The following RAI1 variants were observed in gnomAD, a reference collection of about 807,000 sequenced individuals.
RAI1 encodes the protein retinoic acid-induced protein 1.
In RAI1, 9 loss-of-function variants were observed where a neutral mutation model predicts 123.8. The observed-to-expected ratio is 0.07, with a 90% CI of 0.04 to 0.13. The LOEUF is 0.13. Among genes scored for constraint, RAI1 ranks in the 10% least tolerant of loss-of-function variants. RAI1 has a pLI of 1.00. For missense variants in RAI1, 2,256 were observed against 2,545.8 expected, an observed-to-expected ratio of 0.89 and a Z score of 2.45; for synonymous variants, 1,231 against 1,127.3, an observed-to-expected ratio of 1.09 and a Z score of -1.84.
chr17:17,739,503 C>A (rs1402087769), intron 2 of RAI1, among the ~76,000 whole-genome samples: 1 of 152,218 alleles, frequency 6.6e-6, no homozygotes, highest in Non-Finnish European at 1.5e-5. Context: ...ATCTGGCAGC[C>A]AGGGGTCAGG....
intron 2 of RAI1, among the ~76,000 whole-genome samples, chr17:17,775,703 A>G (rs1377286463): frequency 1.3e-5 from 2 of 152,054 alleles, no homozygotes; most frequent in South Asian, 2.1e-4. Context: ...CCGTCTTTGT[A>G]TTGAGTAGAC....
chr17:17,789,967 C>G (rs1286002745), intron 2 of RAI1, among the ~76,000 whole-genome samples: 1 of 152,150 alleles, frequency 6.6e-6, no homozygotes, highest in East Asian at 1.9e-4. Flanking sequence ...AACCCACAAT[C>G]TGCCTGCTAG....
In RAI1 at chr17:17,795,177, C is replaced by T. The variant is rs2032185355; in HGVS notation, c.2229C>T (p.Pro743=). ...TAASSADSAN[P]FAWPEENLGD... ...CCAGCTCAGCGGACAGCGCCAACCC[C>T]TTTGCCTGGCCAGAGGAAAACCTGG... Residue 743 remains proline (P), a synonymous_variant, in exon 3 of 6, where the codon CCC becomes CCT. Transcript: ENST00000353383. The surrounding 1 kb of genome is among the most constrained non-coding windows in gnomAD (Gnocchi z 5.9). The T allele has an allele frequency of 1.2e-6, 2 of 1,614,092 alleles. No homozygotes were observed. Among genetic ancestry groups the T allele is most frequent in the Non-Finnish European group, 1.7e-6 (2 of 1,180,040 alleles).
At position 17,685,368 on chromosome 17, in the gene RAI1, G is replaced by A. The variant is rs1914592865; in HGVS notation, c.-149+3575G>A. On this transcript the variant is annotated intron_variant, in intron 1 of 5. Coordinates refer to ENST00000353383, the MANE Select transcript of RAI1 (RefSeq NM_030665.4). This position sits in a 1 kb window ranked among gnomAD's most constrained non-coding sequence, Gnocchi z 4.0. ...ACAAGAAGGTCACAGCCCAGTGGGTGATTGGGACCCAGCTCATAGCCAAGG... is the reference window on the plus strand; with the variant it reads ...ACAAGAAGGTCACAGCCCAGTGGGTAATTGGGACCCAGCTCATAGCCAAGG... Among the ~76,000 whole-genome samples, 1 of 152,264 alleles carries A rather than the reference G, an allele frequency of 6.6e-6. No individual in the cohort carries two copies.
rs2142843781 is a variant in RAI1 at position 17,681,688 on chromosome 17, C to T, written c.-254C>T. The T allele has an allele frequency of 7.3e-6, 2 of 273,466 alleles. No homozygotes were observed. The highest frequency in any genetic ancestry group is 5.9e-5 in the East Asian group (1 of 16,860). The allele number at this position is 273,466 out of a possible 1,614,324, so 16.9% of individuals were successfully genotyped here. ...GCCCACCCTCCTTCCTGCCTGGCCG[C>T]GGGCCGGCCGGGCCGCCGCGCCCCG... On this transcript the variant is annotated 5_prime_UTR_variant, in exon 1 of 6. Coordinates refer to ENST00000353383, the MANE Select transcript of RAI1 (RefSeq NM_030665.4).
intron 2 of RAI1, among the ~76,000 whole-genome samples, chr17:17,751,412 T>C (rs886350771): frequency 6.6e-6 from 1 of 152,194 alleles, no homozygotes; most frequent in African/African-American, 2.4e-5. Flanking sequence ...TCTGAGATCC[T>C]TCCGACCCAC....
chr17:17,728,573 G>A (rs1567854352), intron 2 of RAI1, among the ~76,000 whole-genome samples: 1 of 152,132 alleles, frequency 6.6e-6, no homozygotes, highest in Admixed American at 6.5e-5. Flanking sequence ...GGAAGGTGTT[G>A]AGGGGCACGT....
chr17:17,782,913 C>A (rs1450352338), intron 2 of RAI1, among the ~76,000 whole-genome samples: 3 of 152,272 alleles, frequency 2.0e-5, no homozygotes, highest in Admixed American at 1.3e-4. Context: ...GGCCGTACGC[C>A]CCGCCCTGCG....
chr17:17,770,027 G>A (rs2031086595), intron 2 of RAI1, among the ~76,000 whole-genome samples: 2 of 152,196 alleles, frequency 1.3e-5, no homozygotes, highest in African/African-American at 4.8e-5. Context: ...ACAGGGCTTT[G>A]CTGGGCCCTC....
intron 1 of RAI1, among the ~76,000 whole-genome samples, chr17:17,713,634 T>C (rs1339769233): frequency 6.8e-6 from 1 of 147,822 alleles, no homozygotes; most frequent in Non-Finnish European, 1.5e-5. Context: ...AGAGCAAAAC[T>C]CCATCTCAAA....
chr17:17,751,765 A>AT (rs1379384227), intron 2 of RAI1, among the ~76,000 whole-genome samples: 1 of 152,046 alleles, frequency 6.6e-6, no homozygotes, highest in Non-Finnish European at 1.5e-5. Flanking sequence ...ACCTCTCTTG[A>AT]TGAGGCCTGC....
chr17:17,755,588 A>C (rs774065694), intron 2 of RAI1, among the ~76,000 whole-genome samples: 1 of 152,134 alleles, frequency 6.6e-6, no homozygotes, highest in Non-Finnish European at 1.5e-5. Context: ...AGAGACCCTT[A>C]GTCCCTCCAA....
rs369948107 is a variant in RAI1, at chr17:17,798,089, A to G, written c.5141A>G (p.Lys1714Arg). ...GPYYPEHCLP[K>R]KKPKLKEKVR... ...TACTACCCTGAACACTGCCTCCCCA[A>G]AAAGAAGCCAAAACTCAAGGAGAAG... The change falls in exon 3 of 6, where the codon AAA becomes AGA. Residue 1714 changes from lysine to arginine, a missense_variant. Lys to Arg is a conservative substitution (Grantham distance 26). Coordinates refer to ENST00000353383, the MANE Select transcript of RAI1 (RefSeq NM_030665.4). 23 of 1,613,832 alleles carry G rather than the reference A, an allele frequency of 1.4e-5. No individual in the cohort carries two copies. The highest frequency in any genetic ancestry group is 8.3e-5 in the Admixed American group (5 of 60,006).
chr17:17,784,624 G>GTGTA (rs979251345), intron 2 of RAI1, among the ~76,000 whole-genome samples: 54 of 152,324 alleles, frequency 3.5e-4, no homozygotes, highest in Admixed American at 1.5e-3. Flanking sequence ...GAGAGGGGGG[G>GTGTA]TGTAGGCAGC....
At chr17:17,802,274 C>T (rs2032488269) in intron 3 of RAI1, 1 of 430,214 alleles carries the variant, frequency 2.3e-6, no homozygotes, top group Non-Finnish European at 4.8e-6. Context: ...TACCACGTCA[C>T]CGCCTCCTCT....
chr17:17,767,142 A>G (rs1375847979), intron 2 of RAI1, among the ~76,000 whole-genome samples: 2 of 152,196 alleles, frequency 1.3e-5, no homozygotes, highest in African/African-American at 2.4e-5. Context: ...CGTCCAGAGC[A>G]CTGACTTCCC....
intron 2 of RAI1, among the ~76,000 whole-genome samples, chr17:17,745,613 G>T (rs1035206883): frequency 2.0e-5 from 3 of 152,110 alleles, no homozygotes; most frequent in African/African-American, 7.2e-5. Context: ...GGCCAGGCTG[G>T]TCTCAAACTC....
chr17:17,795,092 G>T lies in RAI1; in HGVS notation c.2144G>T (p.Gly715Val). ...PLSFGTKPTL[G>V]VPAPDPTTAA... ...TCCTTTGGTACCAAGCCCACCCTTG[G>T]GGTTCCTGCTCCAGACCCCACTACA... is the stretch of plus-strand genomic sequence containing the variant. Residue 715 changes from glycine to valine, a missense_variant, in exon 3 of 6, where the codon GGG becomes GTG. By Grantham distance (109) the Gly-to-Val change is moderately radical (BLOSUM62 -3). Around this residue, in one of 7 missense-constraint regions of RAI1, gnomAD observed 566 missense variants for 616.0 expected, o/e 0.92. Coordinates refer to ENST00000353383, the MANE Select transcript of RAI1 (RefSeq NM_030665.4). This position sits in a 1 kb window ranked among gnomAD's most constrained non-coding sequence, Gnocchi z 5.9. 6.2e-7 allele frequency: 1 copy of T among 1,614,090 alleles called. No individual in the cohort carries two copies. Among genetic ancestry groups the T allele is most frequent in the Non-Finnish European group, 8.5e-7 (1 of 1,180,030 alleles).
Position 17,794,009 on chromosome 17 carries a change from CTTCCTACAG to C in RAI1, c.1066_1074del (p.Tyr356_Ser358del), listed in dbSNP as rs1320880535. The C allele has an allele frequency of 3.1e-6, 5 of 1,613,934 alleles. No homozygotes were observed. The highest frequency in any genetic ancestry group is 4.2e-6 in the Non-Finnish European group (5 of 1,180,034). ...CCCGCCCGCTCCGTGGGCCGCTCACCTTCCTACAGTTCCACACCGTCGCCGCTGATGCCA... is the reference window on the plus strand; with the variant it reads ...CCCGCCCGCTCCGTGGGCCGCTCACCTTCCACACCGTCGCCGCTGATGCCA... On this transcript the variant is annotated inframe_deletion, in exon 3 of 6. Coordinates refer to ENST00000353383, the MANE Select transcript of RAI1 (RefSeq NM_030665.4).
Sources: allele counts gnomAD v4.1 joint callset (sites outside exome capture counted in the v4.1 genomes callset), GRCh38; gene constraint gnomAD v4.1.1; regional missense constraint gnomAD v4.1.1; non-coding constraint Gnocchi (gnomAD v3.1); transcripts MANE v1.5; gene names NCBI Gene and HGNC (gene_info 2026-07-23, HGNC 2026-07-21).